SLC16A2: variants seen among roughly 807,000 people sequenced by gnomAD.
SLC16A2 encodes solute carrier family 16 member 2.
In SLC16A2, 3 loss-of-function variants were observed where a neutral mutation model predicts 27.2. The observed-to-expected ratio is 0.11, with a 90% CI of 0.05 to 0.28. SLC16A2 has a LOEUF of 0.28. SLC16A2 is among the 10% of genes least tolerant of loss of function. SLC16A2 has a pLI of 1.00. For missense variants in SLC16A2, 295 were observed against 458.5 expected, an observed-to-expected ratio of 0.64 and a Z score of 3.26; for synonymous variants, 202 against 187.8, an observed-to-expected ratio of 1.08 and a Z score of -0.62.
At chrX:74,462,179 A>C (rs1929161471) in intron 1 of SLC16A2, among the ~76,000 whole-genome samples, 1 of 112,300 alleles carries the variant, frequency 8.9e-6, no homozygotes, top group South Asian at 3.7e-4. Flanking sequence ...GAACAACTGG[A>C]ATCAAGGCCC....
At chrX:74,447,406 T>C (rs888979813) in intron 1 of SLC16A2, among the ~76,000 whole-genome samples, 2 of 111,340 alleles carry the variant, frequency 1.8e-5, no homozygotes, top group Non-Finnish European at 3.8e-5. Flanking sequence ...GGTGTAGTGG[T>C]TCATACCCGT....
chrX:74,445,010 C>T (rs1036543960), intron 1 of SLC16A2, among the ~76,000 whole-genome samples: 2 of 112,058 alleles, frequency 1.8e-5, no homozygotes, highest in African/African-American at 3.2e-5. Flanking sequence ...CCCACAGGAG[C>T]GGTGACAACC....
rs149676385 is a variant in SLC16A2 at position 74,521,761 on chromosome X, A to G, written c.575+627A>G. On this transcript the variant is annotated intron_variant, in intron 2 of 5. Transcript: ENST00000587091. Reference sequence around the variant, plus strand: ...TGATTTGGGACAGATAATGATTTACATCATGGGCATCAGAAGGATGATTAG... The same window carrying G: ...TGATTTGGGACAGATAATGATTTACGTCATGGGCATCAGAAGGATGATTAG... Among the ~76,000 whole-genome samples, 684 of 112,393 alleles carry G rather than the reference A, an allele frequency of 6.1e-3. 8 individuals are homozygous for G. The highest frequency in any genetic ancestry group is 0.021 in the African/African-American group (644 of 30,938).
rs777570433 is a variant in SLC16A2 at position 74,421,649 on chromosome X, A to G, written c.12A>G (p.Gln4=). The change falls in exon 1 of 6, where the codon CAA becomes CAG. Residue 4 remains glutamine (Q), a synonymous_variant. Coordinates refer to ENST00000587091, the MANE Select transcript of SLC16A2 (RefSeq NM_006517.5). Reference sequence around the variant, plus strand: ...GTCCCCCCGCCGCGATGGCGCTGCAAAGCCAGGCGAGCGAGGAAGCAAAGG... The same window carrying G: ...GTCCCCCCGCCGCGATGGCGCTGCAGAGCCAGGCGAGCGAGGAAGCAAAGG... MAL[Q]SQASEEAKGP... is the part of the protein sequence containing the mutation. 1.7e-6 allele frequency: 2 copies of G among 1,204,825 alleles called. No homozygotes were observed. Among genetic ancestry groups the G allele is most frequent in the Non-Finnish European group, 2.2e-6 (2 of 893,718 alleles).
At chrX:74,453,052 C>CTT (rs5902727) in intron 1 of SLC16A2, among the ~76,000 whole-genome samples, 43 of 96,140 alleles carry the variant, frequency 4.5e-4, no homozygotes, top group South Asian at 1.0e-3. Context: ...GTGCAGGTTG[C>CTT]TTTTTTTTTT....
intron 4 of SLC16A2, among the ~76,000 whole-genome samples, chrX:74,527,118 G>A (rs1467187044): frequency 8.9e-6 from 1 of 112,013 alleles, no homozygotes; most frequent in Non-Finnish European, 1.9e-5. Flanking sequence ...GTTATACAGT[G>A]GGAGTCCAAG....
At chrX:74,495,376 G>A (rs1275694055) in intron 1 of SLC16A2, among the ~76,000 whole-genome samples, 2 of 109,154 alleles carry the variant, frequency 1.8e-5, no homozygotes, top group Non-Finnish European at 3.8e-5. Context: ...GAGGACAGGG[G>A]CTTTGGCCTC....
chrX:74,462,379 G>A (rs1929166669), intron 1 of SLC16A2, among the ~76,000 whole-genome samples: 2 of 111,829 alleles, frequency 1.8e-5, no homozygotes, highest in South Asian at 7.6e-4. Context: ...GAGTGCAATG[G>A]CATGATCATG....
At chrX:74,432,153 C>T (rs189456382) in intron 1 of SLC16A2, among the ~76,000 whole-genome samples, 5 of 111,363 alleles carry the variant, frequency 4.5e-5, no homozygotes, top group East Asian at 5.7e-4. Context: ...GGGTTGGGGG[C>T]AGATGGTGGG....
At chrX:74,444,993 C>T (rs1928813247) in intron 1 of SLC16A2, among the ~76,000 whole-genome samples, 1 of 112,234 alleles carries the variant, frequency 8.9e-6, no homozygotes, top group African/African-American at 3.2e-5. Flanking sequence ...AAGACCTTGT[C>T]ATCACACCCA....
intron 1 of SLC16A2, among the ~76,000 whole-genome samples, chrX:74,505,707 C>T (rs1008818849): frequency 2.7e-5 from 3 of 112,132 alleles, no homozygotes; most frequent in African/African-American, 9.7e-5. Flanking sequence ...TTGTCATCTG[C>T]CCCAGACCAA....
intron 1 of SLC16A2, among the ~76,000 whole-genome samples, chrX:74,444,138 A>G (rs966609001): frequency 1.8e-5 from 2 of 111,274 alleles, no homozygotes; most frequent in Admixed American, 1.9e-4. Flanking sequence ...GAGACCCCTG[A>G]GTAGCACTTA....
chrX:74,505,026 A>G (rs1229909222), intron 1 of SLC16A2, among the ~76,000 whole-genome samples: 1 of 111,804 alleles, frequency 8.9e-6, no homozygotes, highest in East Asian at 2.8e-4. Flanking sequence ...CACAAATAGC[A>G]GGTACATACA....
At chrX:74,492,214 G>A (rs577802294) in intron 1 of SLC16A2, among the ~76,000 whole-genome samples, 4 of 111,440 alleles carry the variant, frequency 3.6e-5, no homozygotes, top group African/African-American at 1.3e-4. Flanking sequence ...GGTGGGAGGG[G>A]GACTCATAGA....
At chrX:74,516,449 A>G (rs1403639349) in intron 1 of SLC16A2, among the ~76,000 whole-genome samples, 1 of 111,563 alleles carries the variant, frequency 9.0e-6, no homozygotes. Context: ...ATTTAAGATA[A>G]TTTTATTATA....
intron 1 of SLC16A2, among the ~76,000 whole-genome samples, chrX:74,435,280 T>C (rs1449226024): frequency 2.7e-5 from 3 of 109,969 alleles, no homozygotes; most frequent in African/African-American, 9.9e-5. Flanking sequence ...TTTGTGTTAC[T>C]TAGGGAAAAG....
In SLC16A2 at chrX:74,531,741, T is replaced by C. The variant is rs1930572602; in HGVS notation, c.*188T>C. The C allele has an allele frequency of 6.2e-6, 3 of 480,762 alleles. No homozygotes were observed. The highest frequency in any genetic ancestry group is 7.4e-6 in the Non-Finnish European group (2 of 270,952). 39.6% of individuals were successfully genotyped at this position (480,762 alleles called of 1,213,427 possible). On this transcript the variant is annotated 3_prime_UTR_variant, in exon 6 of 6. Transcript: ENST00000587091. ...CTCATTAACTAAATTCTCCCCAGAA[T>C]GCTTTTAAATTTTCCAGGGCCTTTC...
chrX:74,481,456 T>G (rs1423202050), intron 1 of SLC16A2, among the ~76,000 whole-genome samples: 1 of 111,635 alleles, frequency 9.0e-6, no homozygotes, highest in African/African-American at 3.3e-5. Flanking sequence ...TTATAGAAAT[T>G]TTTCCCTTTC....
intron 1 of SLC16A2, among the ~76,000 whole-genome samples, chrX:74,494,560 T>G (rs1402043572): frequency 9.0e-6 from 1 of 111,595 alleles, no homozygotes; most frequent in East Asian, 2.8e-4. Context: ...AGGGTTCATG[T>G]TATGGTGTTT....
Sources: gnomAD v4.1 joint callset for allele counts (sites outside exome capture counted in the v4.1 genomes callset) on GRCh38, gnomAD v4.1.1 for gene constraint, MANE v1.5 for transcripts, NCBI Gene and HGNC (gene_info 2026-07-23, HGNC 2026-07-21) for gene names.